The following ITGA10 variants were observed in gnomAD, a reference collection of about 807,000 sequenced individuals.
ITGA10 encodes integrin subunit alpha 10, also known as integrin alpha-10.
Under a neutral mutation model 145.2 loss-of-function variants are expected in ITGA10, and 105 were observed. That is an observed-to-expected ratio of 0.72 (90% confidence interval 0.62 to 0.85). The LOEUF (loss-of-function observed/expected upper bound fraction) is 0.85, where lower values mean the gene tolerates loss of function less well. Ranked by LOEUF, ITGA10 falls within the 40% of genes least tolerant of loss-of-function variation. The pLI is 0.00. For missense variants in ITGA10, 1,317 were observed against 1,444.5 expected, an observed-to-expected ratio of 0.91 and a Z score of 1.43; for synonymous variants, 506 against 557.8, an observed-to-expected ratio of 0.91 and a Z score of 1.31.
intron 1 of ITGA10, among the ~76,000 whole-genome samples, chr1:145,908,578 G>T (rs1490527450): frequency 1.3e-5 from 2 of 152,120 alleles, no homozygotes; most frequent in East Asian, 3.8e-4. Context: ...GGTATTTTAG[G>T]AAACAATGAT....
intron 15 of ITGA10, 31 bp from the exon 16 acceptor site, chr1:145,899,372 A>C: frequency 6.2e-7 from 1 of 1,605,206 alleles, no homozygotes. Context: ...AAATTCTAGC[A>C]GTAGGAGGTA....
intron 7 of ITGA10, 115 bp from the exon 8 acceptor site, chr1:145,903,076 C>T (rs1553749808): frequency 1.0e-6 from 1 of 966,208 alleles, no homozygotes; most frequent in Non-Finnish European, 1.5e-6. Context: ...CAGGATTTAA[C>T]ATCAGCACTT....
rs202242483 is a variant in ITGA10 at position 145,904,142 on chromosome 1, C to T, written c.668G>A (p.Arg223Gln). 3.6e-5 allele frequency: 58 copies of T among 1,613,990 alleles called. No homozygotes were observed. Among genetic ancestry groups the T allele is most frequent in the Middle Eastern group, 3.3e-4 (2 of 6,084 alleles). The change falls in exon 7 of 30, where the codon CGA becomes CAA. Residue 223 changes from arginine (R) to glutamine (Q), a missense_variant. Coordinates refer to ENST00000369304, the MANE Select transcript of ITGA10 (RefSeq NM_003637.5). ...PVHEWSLGDFRTKEEVVRAAK... is the reference protein window; with the variant it reads ...PVHEWSLGDFQTKEEVVRAAK... ...TGCTCTCACCACTTCTTCCTTCGTT[C>T]GGAAATCTCCCAGGGACCACTCATG...
intron 1 of ITGA10, among the ~76,000 whole-genome samples, chr1:145,907,892 T>TC (rs1181301832): frequency 6.9e-6 from 1 of 144,264 alleles, no homozygotes; most frequent in African/African-American, 2.6e-5. Flanking sequence ...TGCCTCAGCC[T>TC]CCCGTGTAGC....
intron 14 of ITGA10, among the ~76,000 whole-genome samples, 191 bp downstream of exon 14, chr1:145,900,599 G>A (rs1656146294): frequency 6.6e-6 from 1 of 152,070 alleles, no homozygotes; most frequent in South Asian, 2.1e-4. Context: ...TCAGTCCTGG[G>A]AATAAGAGAA....
chr1:145,900,687 G>T, intron 14 of ITGA10, 103 bp downstream of exon 14: 1 of 1,222,786 alleles, frequency 8.2e-7, no homozygotes, highest in Non-Finnish European at 1.2e-6. Context: ...AAAAGCACTT[G>T]TTCAGTTTGG....
In ITGA10 at chr1:145,895,890, G is replaced by T. The variant is rs1655323774; in HGVS notation, c.3033+93C>A. 30 of 1,094,744 alleles carry T rather than the reference G, an allele frequency of 2.7e-5. No individual in the cohort carries two copies. In the South Asian group the frequency reaches 3.5e-4, roughly 13 times the overall value. The allele number at this position is 1,094,744 out of a possible 1,614,324, so 67.8% of individuals were successfully genotyped here. Reference sequence around the variant, plus strand: ...AGAGAGAAGAGCCCCAAGAGCAGAGGCCCAACAGATAGGGAGCTGGTGTGG... The same window carrying T: ...AGAGAGAAGAGCCCCAAGAGCAGAGTCCCAACAGATAGGGAGCTGGTGTGG... On this transcript the variant is annotated intron_variant, in intron 25 of 29. Coordinates refer to ENST00000369304, the MANE Select transcript of ITGA10 (RefSeq NM_003637.5).
Position 145,892,567 on chromosome 1 carries a change from G to A in ITGA10, c.*231C>T, listed in dbSNP as rs1654861941. 2.3e-6 allele frequency: 1 copy of A among 430,594 alleles called. No homozygotes were observed. The allele number at this position is 430,594 out of a possible 1,614,324, so 26.7% of individuals were successfully genotyped here. A position where few individuals can be genotyped will look rare whatever the true frequency, so the allele number is the denominator to read the frequency against. Reference sequence around the variant, plus strand: ...TGGAACCAGGATCACGAGGAGGAGGGAAGCAGAGGGTGGGAGCATGGCTAG... The same window carrying A: ...TGGAACCAGGATCACGAGGAGGAGGAAAGCAGAGGGTGGGAGCATGGCTAG... On this transcript the variant is annotated 3_prime_UTR_variant, in exon 30 of 30. Transcript: ENST00000369304.
Position 145,893,196 on chromosome 1 carries a change from G to A in ITGA10, c.3403C>T (p.Leu1135Phe). ...ILIGSVLGGLLLLALLVFCLW... is the reference protein window; with the variant it reads ...ILIGSVLGGLFLLALLVFCLW... The stretch of plus-strand genomic sequence containing the variant: ...CAGAAGACAAGGAGAGCAAGCAGGA[G>A]CAACCCTCCCAGGACACTGCCTATG... The change falls in exon 29 of 30, where the codon CTC (leucine) becomes TTC (phenylalanine). Residue 1135 changes from leucine to phenylalanine, a missense_variant. By Grantham distance (22) the Leu-to-Phe change is conservative. Transcript: ENST00000369304. 1 of 1,614,058 alleles carries A rather than the reference G, an allele frequency of 6.2e-7. No homozygotes were observed. The highest frequency in any genetic ancestry group is 8.5e-7 in the Non-Finnish European group (1 of 1,179,938).
rs781882827 is a variant in ITGA10, at chr1:145,900,947, T to TG, written c.1633dup (p.Gln545ProfsTer14). 21 of 1,613,870 alleles carry TG rather than the reference T, an allele frequency of 1.3e-5. No individual in the cohort carries two copies. Among genetic ancestry groups the TG allele is most frequent in the Admixed American group, 1.7e-5 (1 of 59,980 alleles). ...CATGGCAAAGCCAAACCGAGCATCCTGGGGGGGTTCTGGCTGAAGTGTTCC... is the reference window on the plus strand; with the variant it reads ...CATGGCAAAGCCAAACCGAGCATCCTGGGGGGGGTTCTGGCTGAAGTGTTCC... On this transcript the variant is annotated frameshift_variant, in exon 14 of 30. Transcript: ENST00000369304. LOFTEE classifies it high-confidence loss of function.
Position 145,907,472 on chromosome 1 carries a change from G to A in ITGA10, c.53-7C>T, listed in dbSNP as rs200335427. 1.7e-3 allele frequency: 2,686 copies of A among 1,614,082 alleles called. 3 individuals are homozygous for A. The highest frequency in any genetic ancestry group is 2.1e-3 in the Non-Finnish European group (2,457 of 1,179,996). Reference sequence around the variant, plus strand: ...TTAAAGGGGGAGCAGAGACCTGTGGGGTCAGGATCATAATGTTAGTATGAG... The same window carrying A: ...TTAAAGGGGGAGCAGAGACCTGTGGAGTCAGGATCATAATGTTAGTATGAG... On this transcript the variant is annotated splice_polypyrimidine_tract_variant and splice_region_variant and intron_variant, in intron 1 of 29. Transcript: ENST00000369304.
At position 145,903,020 on chromosome 1, in the gene ITGA10, CACAT is replaced by C. The variant is rs1342328859; in HGVS notation, c.759-63_759-60del. On this transcript the variant is annotated intron_variant, in intron 7 of 29. Transcript: ENST00000369304. ...GTATGCAGACACACACACACACACA[CACAT>C]ACACACACACACACACACACACACA... 659 of 677,016 alleles carry C rather than the reference CACAT, an allele frequency of 9.7e-4. 2 individuals carry two copies. The highest frequency in any genetic ancestry group is 1.7e-3 in the South Asian group (74 of 43,014). 41.9% of individuals were successfully genotyped at this position (677,016 alleles called of 1,614,324 possible). A position where few individuals can be genotyped will look rare whatever the true frequency, so the allele number is the denominator to read the frequency against.
At position 145,892,496 on chromosome 1, in the gene ITGA10, T is replaced by C. The variant is rs587718768; in HGVS notation, c.*302A>G. The C allele has an allele frequency of 3.4e-6, 1 of 296,458 alleles. No individual in the cohort carries two copies. Among genetic ancestry groups the C allele is most frequent in the South Asian group, 1.0e-4 (1 of 9,724 alleles). 18.4% of individuals were successfully genotyped at this position (296,458 alleles called of 1,614,324 possible). On this transcript the variant is annotated 3_prime_UTR_variant, in exon 30 of 30. Transcript: ENST00000369304. ...GGCACCTAGGCAAAAAAATTATTGA[T>C]TCCTGGGGATAAAAGGACCCCAAAC...
intron 29 of ITGA10, 34 bp from the exon 30 acceptor site, chr1:145,892,897 G>A: frequency 1.3e-6 from 2 of 1,557,066 alleles, no homozygotes; most frequent in Non-Finnish European, 8.9e-7. Context: ...ACTGCCAAAT[G>A]CCTAGACTGG....
chr1:145,896,220 G>A (rs782228032), intron 24 of ITGA10, 48 bp downstream of exon 24: 3 of 1,528,388 alleles, frequency 2.0e-6, no homozygotes, highest in Non-Finnish European at 2.7e-6. Flanking sequence ...CCACAAAGCT[G>A]TTGTTCCCCC....
At chr1:145,897,140 C>G in intron 21 of ITGA10, 53 bp from the exon 22 acceptor site, 1 of 1,562,560 alleles carries the variant, frequency 6.4e-7, no homozygotes, top group Non-Finnish European at 8.8e-7. Context: ...GGAACAACTA[C>G]AGAGGAACAG....
Position 145,907,055 on chromosome 1 carries a change from G to GTT in ITGA10, c.259_260insAA (p.Ala87GlufsTer6). ...CATCTTCTCACCTAAGTGGCCCTTGGCACATGGGGCATTGTGGGCCCCCCC... is the reference window on the plus strand; with the variant it reads ...CATCTTCTCACCTAAGTGGCCCTTGGTTCACATGGGGCATTGTGGGCCCCCCC... On this transcript the variant is annotated frameshift_variant, in exon 3 of 30. Transcript: ENST00000369304. LOFTEE classifies it high-confidence loss of function. The GTT allele has an allele frequency of 1.9e-6, 3 of 1,555,140 alleles. No individual in the cohort carries two copies. The highest frequency in any genetic ancestry group is 2.6e-6 in the Non-Finnish European group (3 of 1,148,244).
At chr1:145,897,466 C>A (rs782235603) in intron 20 of ITGA10, 46 bp downstream of exon 20, 14 of 1,608,872 alleles carry the variant, frequency 8.7e-6, no homozygotes, top group Non-Finnish European at 1.2e-5. Flanking sequence ...CAATCTTCTT[C>A]CTCCTCCTTT....
Position 145,900,735 on chromosome 1 carries a change from T to TC in ITGA10, c.1791+54dup, listed in dbSNP as rs587628119. 112 of 1,546,574 alleles carry TC rather than the reference T, an allele frequency of 7.2e-5. No individual in the cohort carries two copies. The African/African-American group carries it at 1.4e-3, about 20-fold the overall frequency. ...GGAGACTATTGACAAGCAAAGAGCA[T>TC]CCCCCTATTCCTCTTCCTACAACCG... On this transcript the variant is annotated intron_variant, in intron 14 of 29. Transcript: ENST00000369304.
Sources: allele counts gnomAD v4.1 joint callset (sites outside exome capture counted in the v4.1 genomes callset), GRCh38; gene constraint gnomAD v4.1.1; transcripts MANE v1.5; gene names NCBI Gene and HGNC (gene_info 2026-07-23, HGNC 2026-07-21).